The following DCC variants were observed in gnomAD, a reference collection of about 807,000 sequenced individuals.
DCC encodes DCC netrin 1 receptor.
Under a neutral mutation model 172.5 loss-of-function variants are expected in DCC, and 58 were observed. The observed-to-expected ratio is 0.34, with a 90% confidence interval of 0.27 to 0.42. DCC has a LOEUF of 0.42. Among genes scored for constraint, DCC ranks in the 10% least tolerant of loss-of-function variants. The pLI is 1.00. For synonymous variants in DCC, 709 were observed against 644.5 expected, an observed-to-expected ratio of 1.10 and a Z score of -1.52; for missense variants, 1,740 against 1,791.0, an observed-to-expected ratio of 0.97 and a Z score of 0.51.
chr18:53,408,413 G>C (rs1405454741), intron 19 of DCC, among the ~76,000 whole-genome samples: 1 of 152,180 alleles, frequency 6.6e-6, no homozygotes, highest in East Asian at 1.9e-4. Flanking sequence ...CTGTTGGCCA[G>C]AAACCACCCT....
rs771073523 is a variant in DCC at position 52,923,764 on chromosome 18, T to C, written c.755T>C (p.Ile252Thr). 3.1e-6 allele frequency: 5 copies of C among 1,612,208 alleles called. No homozygotes were observed. The highest frequency in any genetic ancestry group is 2.2e-5 in the East Asian group (1 of 44,834). ...FLQRPSNVVAIEGKDAVLECC... is the reference protein window; with the variant it reads ...FLQRPSNVVATEGKDAVLECC... Reference sequence around the variant, plus strand: ...CAAAGACCATCCAATGTAGTAGCCATTGAAGGAAAAGATGCTGTCCTGGAA... The same window carrying C: ...CAAAGACCATCCAATGTAGTAGCCACTGAAGGAAAAGATGCTGTCCTGGAA... The change falls in exon 4 of 29, where the codon ATT becomes ACT. Residue 252 changes from isoleucine (I) to threonine (T), a missense_variant. Physicochemically the swap from Ile to Thr is moderately conservative, Grantham distance 89. Around this residue, in one of 2 missense-constraint regions of DCC, gnomAD observed 1,732 missense variants for 1,767.4 expected, o/e 0.98. Coordinates refer to ENST00000442544, the MANE Select transcript of DCC (RefSeq NM_005215.4).
intron 2 of DCC, among the ~76,000 whole-genome samples, chr18:52,903,811 C>T (rs1598914458): frequency 1.3e-5 from 2 of 152,180 alleles, no homozygotes; most frequent in Non-Finnish European, 2.9e-5. Flanking sequence ...GTGTGGTAGA[C>T]ACAGATCATG....
chr18:52,487,383 A>C (rs1305282593), intron 1 of DCC, among the ~76,000 whole-genome samples: 2 of 152,188 alleles, frequency 1.3e-5, no homozygotes, highest in Non-Finnish European at 2.9e-5. Flanking sequence ...CAGTACCTAG[A>C]AGTGCTTCAG....
chr18:53,520,201 C>T (rs544382423), intron 27 of DCC, among the ~76,000 whole-genome samples: 2 of 152,112 alleles, frequency 1.3e-5, no homozygotes, highest in Admixed American at 6.6e-5. Context: ...AGGAACAGAT[C>T]GGGGTTAGGA....
Position 52,974,179 on chromosome 18 carries a change from G to A in DCC, c.985+48809G>A, listed in dbSNP as rs75311345. ...CTAAGGTGTGTTCAATTAAGGACAG[G>A]CCAGATACAAATTTTCCTGCAGCTT... On this transcript the variant is annotated intron_variant, in intron 5 of 28. Coordinates refer to ENST00000442544, the MANE Select transcript of DCC (RefSeq NM_005215.4). 5.2e-3 allele frequency among the ~76,000 whole-genome samples: 798 copies of A among 152,162 alleles called. 7 individuals carry two copies. The highest frequency in any genetic ancestry group is 5.5e-3 in the Non-Finnish European group (375 of 67,986).
intron 6 of DCC, among the ~76,000 whole-genome samples, 186 bp from the exon 7 acceptor site, chr18:53,065,860 G>A (rs1277219314): frequency 1.3e-5 from 2 of 152,112 alleles, no homozygotes; most frequent in African/African-American, 4.8e-5. Flanking sequence ...ATTCAGAAAA[G>A]AAAATTGGGA....
At chr18:52,818,223 T>A (rs1479796314) in intron 2 of DCC, 4 of 150,812 alleles carry the variant, frequency 2.7e-5, no homozygotes, top group Admixed American at 2.0e-4. Flanking sequence ...CTACAAAAAA[T>A]TTAAAAATTA....
At chr18:52,910,665 A>G (rs914609633) in intron 3 of DCC, among the ~76,000 whole-genome samples, 5 of 152,224 alleles carry the variant, frequency 3.3e-5, no homozygotes, top group East Asian at 3.9e-4. Flanking sequence ...GAATTGCACA[A>G]TTATAAATCT....
chr18:53,382,667 G>A (rs1212412363), intron 15 of DCC, among the ~76,000 whole-genome samples: 8 of 152,002 alleles, frequency 5.3e-5, no homozygotes, highest in Non-Finnish European at 7.4e-5. Context: ...ATCTCAAAGC[G>A]CATTTAACAC....
chr18:53,168,248 T>TA (rs1185103791), intron 8 of DCC, among the ~76,000 whole-genome samples: 1 of 152,018 alleles, frequency 6.6e-6, no homozygotes, highest in African/African-American at 2.4e-5. Context: ...CATTCTACTA[T>TA]AAAGACACAT....
intron 5 of DCC, among the ~76,000 whole-genome samples, chr18:52,992,021 A>C (rs1260032895): frequency 6.6e-6 from 1 of 152,188 alleles, no homozygotes; most frequent in African/African-American, 2.4e-5. Flanking sequence ...CAATTTAAGC[A>C]ATTTTGAATG....
chr18:53,144,934 C>A (rs1371203481), intron 7 of DCC, among the ~76,000 whole-genome samples: 1 of 151,800 alleles, frequency 6.6e-6, no homozygotes, highest in Non-Finnish European at 1.5e-5. Flanking sequence ...AATTTTATTG[C>A]TTTTATCCCC....
chr18:53,184,789 G>A (rs754471923), intron 9 of DCC, among the ~76,000 whole-genome samples: 3 of 152,256 alleles, frequency 2.0e-5, no homozygotes, highest in African/African-American at 7.2e-5. Context: ...GCTGTCATTG[G>A]TTGGTTGATG....
At chr18:53,173,750 G>T (rs1468403697) in intron 8 of DCC, among the ~76,000 whole-genome samples, 2 of 145,532 alleles carry the variant, frequency 1.4e-5, no homozygotes, top group Non-Finnish European at 1.5e-5. Flanking sequence ...ACACCCCACT[G>T]TCAACATTAG....
At chr18:53,122,926 C>T (rs1280877683) in intron 7 of DCC, among the ~76,000 whole-genome samples, 1 of 152,026 alleles carries the variant, frequency 6.6e-6, no homozygotes, top group African/African-American at 2.4e-5. Flanking sequence ...GCCCCTCCTT[C>T]CATATTCAGT....
chr18:52,554,466 A>AAATTTT lies in DCC; in HGVS notation c.92-197585_92-197580dup, dbSNP rs201720851. ...GTTGAAATCTGACAAGATGAAATTT[A>AAATTTT]AATTTTAACATGAATAATACACAGT... On this transcript the variant is annotated intron_variant, in intron 1 of 28. Coordinates refer to ENST00000442544, the MANE Select transcript of DCC (RefSeq NM_005215.4). Among the ~76,000 whole-genome samples the AAATTTT allele has an allele frequency of 3.2e-3, 487 of 152,258 alleles. 6 individuals are homozygous for AAATTTT. Among genetic ancestry groups the AAATTTT allele is most frequent in the East Asian group, 0.026 (134 of 5,178 alleles).
intron 15 of DCC, among the ~76,000 whole-genome samples, chr18:53,383,943 T>C (rs879405996): frequency 2.6e-5 from 4 of 152,174 alleles, no homozygotes; most frequent in Non-Finnish European, 4.4e-5. Context: ...ATTATTGAAG[T>C]ATTTATCTTT....
rs925789072 is a variant in DCC, at chr18:52,893,801, A to T, written c.413-12243A>T. 5.9e-5 allele frequency among the ~76,000 whole-genome samples: 9 copies of T among 152,274 alleles called. No homozygotes were observed. The East Asian group carries it at 1.4e-3, about 23-fold the overall frequency. Reference sequence around the variant, plus strand: ...TATTAGTCAATATTTATTGAGTGCTACTGTGTACCTAGGGAATAATACCAA... The same window carrying T: ...TATTAGTCAATATTTATTGAGTGCTTCTGTGTACCTAGGGAATAATACCAA... On this transcript the variant is annotated intron_variant, in intron 2 of 28. Transcript: ENST00000442544.
intron 1 of DCC, among the ~76,000 whole-genome samples, chr18:52,381,856 T>C (rs757923437): frequency 2.6e-4 from 39 of 152,130 alleles, no homozygotes; most frequent in Non-Finnish European, 4.7e-4. Context: ...CCACCCCAAA[T>C]GCTAAAACAT....
Sources: allele counts gnomAD v4.1 joint callset (sites outside exome capture counted in the v4.1 genomes callset), GRCh38; gene constraint gnomAD v4.1.1; regional missense constraint gnomAD v4.1.1; transcripts MANE v1.5; gene names NCBI Gene and HGNC (gene_info 2026-07-23, HGNC 2026-07-21).